The following FCHO2 variants were observed in gnomAD, a reference collection of about 807,000 sequenced individuals.
The protein encoded by FCHO2 is F-BAR domain only protein 2.
A neutral mutation model predicts 114.1 loss-of-function variants in FCHO2; 43 were observed. That is an observed-to-expected ratio of 0.38 (90% confidence interval 0.30 to 0.49). The LOEUF is 0.49. Among genes scored for constraint, FCHO2 ranks in the 20% least tolerant of loss-of-function variants. The pLI is 0.97. For synonymous variants in FCHO2, 293 were observed against 315.2 expected (o/e 0.93, Z 0.75); for missense variants, 807 against 950.4 (o/e 0.85, Z 1.98).
At chr5:73,051,309 T>G in intron 11 of FCHO2, 40 bp from the exon 12 acceptor site, 1 of 1,337,858 alleles carries the variant, frequency 7.5e-7, no homozygotes, top group South Asian at 1.3e-5. Flanking sequence ...ATTTTGTACA[T>G]TGGAGTTGTC....
intron 17 of FCHO2, among the ~76,000 whole-genome samples, chr5:73,062,718 T>C (rs1338660498): frequency 6.6e-6 from 1 of 152,056 alleles, no homozygotes; most frequent in African/African-American, 2.4e-5. Context: ...CTACGTCCCA[T>C]GCATGTACAA....
intron 7 of FCHO2, among the ~76,000 whole-genome samples, chr5:73,016,356 A>G (rs1186141281): frequency 6.8e-6 from 1 of 146,624 alleles, no homozygotes; most frequent in Non-Finnish European, 1.5e-5. Context: ...ATATTAAAAA[A>G]GATTTTAAAT....
intron 2 of FCHO2, among the ~76,000 whole-genome samples, chr5:72,983,478 C>T (rs1225549417): frequency 1.3e-5 from 2 of 151,752 alleles, no homozygotes; most frequent in Admixed American, 6.6e-5. Context: ...ATTCTTCTGC[C>T]TCAGCCTACT....
At chr5:73,012,545 T>G (rs185818352) in intron 6 of FCHO2, among the ~76,000 whole-genome samples, 62 of 144,494 alleles carry the variant, frequency 4.3e-4, no homozygotes, top group Non-Finnish European at 8.5e-4. Flanking sequence ...CTTGAACCCA[T>G]GAGGCAGAGG....
intron 5 of FCHO2, among the ~76,000 whole-genome samples, chr5:72,992,885 G>C (rs191784909): frequency 6.6e-6 from 1 of 151,718 alleles, no homozygotes; most frequent in Non-Finnish European, 1.5e-5. Flanking sequence ...AATTCTAGGA[G>C]GTACCATTTA....
At chr5:72,998,823 A>ATT (rs762026851) in intron 5 of FCHO2, among the ~76,000 whole-genome samples, 23 of 140,856 alleles carry the variant, frequency 1.6e-4, no homozygotes, top group Admixed American at 4.3e-4. Context: ...CAATTAAAGG[A>ATT]TTTTTTTTTT....
Position 73,047,157 on chromosome 5 carries a change from CTGTT to C in FCHO2, c.940-4188_940-4185del, listed in dbSNP as rs112557426. 8.2e-3 allele frequency among the ~76,000 whole-genome samples: 1,242 copies of C among 152,226 alleles called. 13 individuals carry two copies. Among genetic ancestry groups the C allele is most frequent in the African/African-American group, 0.027 (1,141 of 41,496 alleles). ...TTTTTGTCACATTTGCATTCTCTCT[CTGTT>C]TGTGCATGTGTTTATATGTGTATAA... On this transcript the variant is annotated intron_variant, in intron 11 of 25. Transcript: ENST00000430046.
rs1422313418 is a variant in FCHO2 at position 73,090,194 on chromosome 5, A to G, written c.*2104A>G. ...GGGTACAGGTTACAATTTTGAAGCCATATGAGTTTATATTGATTTTTTTTT... is the reference window on the plus strand; with the variant it reads ...GGGTACAGGTTACAATTTTGAAGCCGTATGAGTTTATATTGATTTTTTTTT... On this transcript the variant is annotated 3_prime_UTR_variant, in exon 26 of 26. Transcript: ENST00000430046. The G allele has an allele frequency of 1.3e-5, 2 of 152,596 alleles. No individual in the cohort carries two copies. The highest frequency in any genetic ancestry group is 2.9e-5 in the Non-Finnish European group (2 of 68,012). The allele number at this position is 152,596 out of a possible 1,614,324, so 9.5% of individuals were successfully genotyped here. A position where few individuals can be genotyped will look rare whatever the true frequency, so the allele number is the denominator to read the frequency against.
intron 24 of FCHO2, among the ~76,000 whole-genome samples, chr5:73,086,207 A>AT (rs1436337560): frequency 6.6e-6 from 1 of 152,138 alleles, no homozygotes; most frequent in Admixed American, 6.5e-5. Context: ...GACAGGAAAT[A>AT]TTTCTAAGGT....
intron 12 of FCHO2, 96 bp downstream of exon 12, chr5:73,051,502 A>G: frequency 1.4e-6 from 1 of 696,200 alleles, no homozygotes; most frequent in Middle Eastern, 3.4e-4. Flanking sequence ...CCAATTTTTT[A>G]TTAATTATAA....
intron 2 of FCHO2, among the ~76,000 whole-genome samples, chr5:72,987,937 A>G (rs1014248217): frequency 2.0e-5 from 3 of 152,112 alleles, no homozygotes; most frequent in African/African-American, 7.2e-5. Context: ...ACATATCTTA[A>G]TTATGTTTGG....
intron 17 of FCHO2, 63 bp downstream of exon 17, chr5:73,058,587 A>C: frequency 2.7e-6 from 2 of 744,538 alleles, no homozygotes; most frequent in Non-Finnish European, 4.0e-6. Flanking sequence ...GCTTTTTCTC[A>C]TTCACTTTTT....
intron 2 of FCHO2, among the ~76,000 whole-genome samples, chr5:72,972,949 A>G (rs1752648060): frequency 6.6e-6 from 1 of 152,186 alleles, no homozygotes; most frequent in African/African-American, 2.4e-5. Flanking sequence ...TTCTGCATGT[A>G]TTGAGATAAT....
chr5:73,052,594 G>T, intron 13 of FCHO2, 87 bp downstream of exon 13: 2 of 1,022,088 alleles, frequency 2.0e-6, no homozygotes, highest in Non-Finnish European at 2.8e-6. Context: ...CTTAGCAATT[G>T]TTAAGCATGT....
At chr5:73,045,570 A>G (rs1462232936) in intron 11 of FCHO2, among the ~76,000 whole-genome samples, 1 of 152,230 alleles carries the variant, frequency 6.6e-6, no homozygotes, top group Non-Finnish European at 1.5e-5. Context: ...ACAATTGTGT[A>G]CAGGTTTTTG....
At chr5:73,038,718 A>G (rs1265747549) in intron 10 of FCHO2, among the ~76,000 whole-genome samples, 1 of 152,184 alleles carries the variant, frequency 6.6e-6, no homozygotes, top group Non-Finnish European at 1.5e-5. Flanking sequence ...ATCAAGACCA[A>G]TTGCAAAGTC....
At chr5:73,062,179 A>G (rs1200365588) in intron 17 of FCHO2, among the ~76,000 whole-genome samples, 1 of 152,142 alleles carries the variant, frequency 6.6e-6, no homozygotes, top group African/African-American at 2.4e-5. Context: ...TGAAGAAAGT[A>G]AACAATTGCA....
intron 5 of FCHO2, 67 bp downstream of exon 5, chr5:72,990,931 A>G: frequency 2.0e-6 from 3 of 1,465,686 alleles, no homozygotes; most frequent in African/African-American, 1.4e-5. Context: ...TGCATTTAAC[A>G]TTTAGATCAA....
At chr5:73,050,483 T>G (rs1296204855) in intron 11 of FCHO2, among the ~76,000 whole-genome samples, 1 of 151,946 alleles carries the variant, frequency 6.6e-6, no homozygotes, top group African/African-American at 2.4e-5. Flanking sequence ...CATGCCCAGC[T>G]AATTTTTGTA....
Sources: gnomAD v4.1 joint callset for allele counts (sites outside exome capture counted in the v4.1 genomes callset) on GRCh38, gnomAD v4.1.1 for gene constraint, MANE v1.5 for transcripts, NCBI Gene and HGNC (gene_info 2026-07-23, HGNC 2026-07-21) for gene names.